PCSK5: variants seen among roughly 807,000 people sequenced by gnomAD.
PCSK5 encodes the protein proprotein convertase subtilisin/kexin type 5, also known as prohormone convertase 5.
PCSK5 carries 129 observed loss-of-function variants against 233.2 expected under a neutral mutation model. The observed-to-expected ratio is 0.55, with a 90% confidence interval of 0.48 to 0.64. PCSK5 has a LOEUF of 0.64. Among genes scored for constraint, PCSK5 ranks in the 30% least tolerant of loss-of-function variants. The pLI is 0.00. For missense variants in PCSK5, 2,076 were observed against 2,430.1 expected, an observed-to-expected ratio of 0.85 and a Z score of 3.06; for synonymous variants, 825 against 879.2, an observed-to-expected ratio of 0.94 and a Z score of 1.09.
chr9:75,988,509 T>C (rs1826624817), intron 3 of PCSK5, among the ~76,000 whole-genome samples: 1 of 152,104 alleles, frequency 6.6e-6, no homozygotes, highest in Admixed American at 6.5e-5. Context: ...CTCGACCTCC[T>C]GGACTCAAGT....
At chr9:76,195,727 T>C (rs1824667756) in intron 20 of PCSK5, 1 of 152,338 alleles carries the variant, frequency 6.6e-6, no homozygotes, top group Admixed American at 6.5e-5. Flanking sequence ...TAGTGACCCA[T>C]TGTTAAATCC....
chr9:76,332,548 C>G lies in PCSK5; in HGVS notation c.4686C>G (p.Cys1562Trp), dbSNP rs747526172. 14 of 1,612,038 alleles carry G rather than the reference C, an allele frequency of 8.7e-6. No homozygotes were observed. Among genetic ancestry groups the G allele is most frequent in the Non-Finnish European group, 2.5e-6 (3 of 1,179,436 alleles). The change falls in exon 34 of 38, where the codon TGC becomes TGG. Residue 1562 changes from cysteine (C) to tryptophan (W), a missense_variant. Coordinates refer to ENST00000674117, the MANE Select transcript of PCSK5 (RefSeq NM_001372043.1). ...RTCEGRHSRQ[C>W]HSCRPGWFQL... Reference sequence around the variant, plus strand: ...GTGAAGGGAGACACAGCAGGCAGTGCCACTCCTGCCGACCGGGCTGGTTCC... The same window carrying G: ...GTGAAGGGAGACACAGCAGGCAGTGGCACTCCTGCCGACCGGGCTGGTTCC...
chr9:76,100,768 C>T (rs1374415983), intron 8 of PCSK5, among the ~76,000 whole-genome samples: 1 of 152,064 alleles, frequency 6.6e-6, no homozygotes, highest in Non-Finnish European at 1.5e-5. Flanking sequence ...ATTCCTTTAC[C>T]CTTTTTCATA....
chr9:76,205,998 C>T (rs777334186), intron 20 of PCSK5, among the ~76,000 whole-genome samples: 4 of 152,222 alleles, frequency 2.6e-5, no homozygotes, highest in Non-Finnish European at 4.4e-5. Context: ...GTTGAGATGG[C>T]GACAGTCTTT....
chr9:76,177,619 C>T (rs1386488060), intron 14 of PCSK5, among the ~76,000 whole-genome samples: 1 of 152,086 alleles, frequency 6.6e-6, no homozygotes, highest in Non-Finnish European at 1.5e-5. Context: ...TTTGTCTTCT[C>T]GGATAGGAGA....
At chr9:75,978,427 A>G (rs1334765607) in intron 2 of PCSK5, among the ~76,000 whole-genome samples, 1 of 152,240 alleles carries the variant, frequency 6.6e-6, no homozygotes, top group East Asian at 1.9e-4. Context: ...CCATTTTACA[A>G]ATGAGAGTAT....
chr9:76,315,949 T>C (rs1451866761), intron 30 of PCSK5, among the ~76,000 whole-genome samples: 3 of 150,464 alleles, frequency 2.0e-5, no homozygotes, highest in Non-Finnish European at 2.9e-5. Context: ...TTTTTTTTTT[T>C]TTGCTTTTTG....
rs1563988555 is a variant in PCSK5 at position 76,040,367 on chromosome 9, C to G, written c.632+13330C>G. On this transcript the variant is annotated intron_variant, in intron 5 of 37. Coordinates refer to ENST00000674117, the MANE Select transcript of PCSK5 (RefSeq NM_001372043.1). ...TCTCTCTCTCTCTCTCTCTCTCTCT[C>G]TCTCTCTCTCTCTCTCTGTCTCTCT... Among the ~76,000 whole-genome samples, 311 of 66,358 alleles carry G rather than the reference C, an allele frequency of 4.7e-3. 8 individuals are homozygous for G. In the South Asian group the frequency reaches 0.065, roughly 14 times the overall value. 43.5% of individuals were successfully genotyped at this position (66,358 alleles called of 152,430 possible).
In PCSK5 at chr9:76,155,357, A is replaced by AT. The variant is rs1211165465; in HGVS notation, c.1313-1682dup. ...AGCAAATCGCATAATTAAGGCAGTA[A>AT]TTTTTTCAACCTAGCACAGTGTTCG... On this transcript the variant is annotated intron_variant, in intron 10 of 37. Coordinates refer to ENST00000674117, the MANE Select transcript of PCSK5 (RefSeq NM_001372043.1). Among the ~76,000 whole-genome samples the AT allele has an allele frequency of 2.6e-5, 4 of 152,218 alleles. No individual in the cohort carries two copies. The East Asian group carries it at 7.7e-4, about 29-fold the overall frequency.
At chr9:76,321,327 C>T in intron 30 of PCSK5, 95 bp from the exon 31 acceptor site, 1 of 694,078 alleles carries the variant, frequency 1.4e-6, no homozygotes, top group Non-Finnish European at 2.6e-6. Flanking sequence ...ACAGCAGCAG[C>T]CCTTTTGTTT....
At chr9:76,271,756 G>A (rs1446256375) in intron 24 of PCSK5, among the ~76,000 whole-genome samples, 1 of 152,168 alleles carries the variant, frequency 6.6e-6, no homozygotes, top group Admixed American at 6.5e-5. Context: ...CCAAAATCAA[G>A]GAATTGGCAA....
intron 1 of PCSK5, among the ~76,000 whole-genome samples, chr9:75,916,301 G>C (rs914919405): frequency 6.6e-6 from 1 of 152,154 alleles, no homozygotes; most frequent in African/African-American, 2.4e-5. Context: ...CTTGCTATTA[G>C]TATAAACTTG....
At chr9:75,927,040 G>A (rs1823523333) in intron 1 of PCSK5, among the ~76,000 whole-genome samples, 1 of 152,082 alleles carries the variant, frequency 6.6e-6, no homozygotes, top group African/African-American at 2.4e-5. Context: ...ATGGCCAAAT[G>A]GTTTTCCAAA....
intron 10 of PCSK5, among the ~76,000 whole-genome samples, chr9:76,140,527 C>T (rs201212357): frequency 1.0e-4 from 4 of 39,808 alleles, no homozygotes; most frequent in African/African-American, 3.9e-4. Context: ...AATAAAGATG[C>T]GGAACTGTGA....
intron 1 of PCSK5, among the ~76,000 whole-genome samples, chr9:75,917,582 C>A (rs1484460641): frequency 6.6e-6 from 1 of 152,190 alleles, no homozygotes; most frequent in Non-Finnish European, 1.5e-5. Context: ...GATTTATAGT[C>A]CGTGGATATC....
intron 24 of PCSK5, among the ~76,000 whole-genome samples, chr9:76,260,903 T>G (rs989325192): frequency 3.9e-5 from 6 of 152,204 alleles, no homozygotes; most frequent in Non-Finnish European, 1.5e-5. Flanking sequence ...TGTGAGCATT[T>G]CTTATAAATA....
intron 24 of PCSK5, among the ~76,000 whole-genome samples, chr9:76,246,172 T>C (rs938232010): frequency 1.3e-5 from 2 of 151,562 alleles, no homozygotes; most frequent in Non-Finnish European, 2.9e-5. Flanking sequence ...GAAACCCCCG[T>C]CTCTACTAAA....
intron 17 of PCSK5, among the ~76,000 whole-genome samples, chr9:76,185,603 C>T (rs1824067656): frequency 6.6e-6 from 1 of 152,068 alleles, no homozygotes; most frequent in South Asian, 2.1e-4. Context: ...CTTTTTCCCC[C>T]CATGAATGCA....
At position 76,340,371 on chromosome 9, in the gene PCSK5, C is replaced by T. The variant is rs75344965; in HGVS notation, c.4966+1924C>T. Among the ~76,000 whole-genome samples, 761 of 152,110 alleles carry T rather than the reference C, an allele frequency of 5.0e-3. 13 individuals carry two copies. Among genetic ancestry groups the T allele is most frequent in the Admixed American group, 0.027 (408 of 15,270 alleles). ...GCTATAAGATCTTCAAATAGCCAGG[C>T]GCGGTGGCTCACACCTGTAATCCCA... On this transcript the variant is annotated intron_variant, in intron 35 of 37. Coordinates refer to ENST00000674117, the MANE Select transcript of PCSK5 (RefSeq NM_001372043.1).
Sources: gnomAD v4.1 joint callset for allele counts (sites outside exome capture counted in the v4.1 genomes callset) on GRCh38, gnomAD v4.1.1 for gene constraint, MANE v1.5 for transcripts, NCBI Gene and HGNC (gene_info 2026-07-23, HGNC 2026-07-21) for gene names.